CPE: variants seen among roughly 807,000 people sequenced by gnomAD.
CPE encodes the protein carboxypeptidase E.
Under a neutral mutation model 53.5 loss-of-function variants are expected in CPE, and 17 were observed. That is an observed-to-expected ratio of 0.32 (90% CI 0.22 to 0.48). The LOEUF is 0.48. Ranked by LOEUF, CPE falls within the 20% of genes least tolerant of loss-of-function variation. CPE has a pLI of 0.99. For synonymous variants in CPE, 226 were observed against 228.8 expected, an observed-to-expected ratio of 0.99 and a Z score of 0.11; for missense variants, 524 against 614.7, an observed-to-expected ratio of 0.85 and a Z score of 1.56.
At chr4:165,469,853 A>G (rs986067117) in intron 3 of CPE, among the ~76,000 whole-genome samples, 2 of 152,236 alleles carry the variant, frequency 1.3e-5, no homozygotes, top group Non-Finnish European at 2.9e-5. Context: ...CACTGCAAGT[A>G]AGCAGACAGG....
chr4:165,425,137 C>A (rs1731296797), intron 1 of CPE, among the ~76,000 whole-genome samples: 1 of 152,102 alleles, frequency 6.6e-6, no homozygotes, highest in Admixed American at 6.5e-5. Flanking sequence ...CTTGACCTCC[C>A]AAAGTGCTGA....
chr4:165,384,949 T>A (rs1730565560), intron 1 of CPE, among the ~76,000 whole-genome samples: 2 of 152,212 alleles, frequency 1.3e-5, no homozygotes, highest in South Asian at 4.1e-4. Context: ...ATAATTTTGT[T>A]TGTTTGCTTT....
At chr4:165,484,310 C>A in intron 4 of CPE, 112 bp from the exon 5 acceptor site, 2 of 986,394 alleles carry the variant, frequency 2.0e-6, no homozygotes, top group Non-Finnish European at 2.9e-6. Flanking sequence ...AGTTATGTAG[C>A]TAAAAAAATA....
At chr4:165,436,055 C>G (rs957925666) in intron 1 of CPE, among the ~76,000 whole-genome samples, 1 of 152,090 alleles carries the variant, frequency 6.6e-6, no homozygotes. Flanking sequence ...TTCCCAAACT[C>G]AAATATTTAG....
chr4:165,419,800 G>A (rs1187134465), intron 1 of CPE, among the ~76,000 whole-genome samples: 2 of 152,124 alleles, frequency 1.3e-5, no homozygotes, highest in Non-Finnish European at 2.9e-5. Context: ...TCTCCAGTTG[G>A]GAACTAATAC....
intron 1 of CPE, among the ~76,000 whole-genome samples, chr4:165,443,564 A>G (rs1731652235): frequency 1.3e-5 from 2 of 152,138 alleles, no homozygotes; most frequent in African/African-American, 4.8e-5. Flanking sequence ...TCCTCACTGT[A>G]TCCTCACATG....
At chr4:165,471,583 A>G (rs1455472570) in intron 3 of CPE, among the ~76,000 whole-genome samples, 1 of 152,198 alleles carries the variant, frequency 6.6e-6, no homozygotes, top group East Asian at 1.9e-4. Flanking sequence ...GCTTTGATGA[A>G]ACTTCATTCC....
At chr4:165,406,332 G>A (rs1489713140) in intron 1 of CPE, 4 of 547,002 alleles carry the variant, frequency 7.3e-6, no homozygotes, top group South Asian at 4.8e-5. Context: ...GCTGCCAATC[G>A]CCCGGTAGAC....
intron 1 of CPE, among the ~76,000 whole-genome samples, chr4:165,448,300 G>A (rs565107292): frequency 1.3e-5 from 2 of 152,246 alleles, no homozygotes; most frequent in Non-Finnish European, 2.9e-5. Context: ...CTTATTGACC[G>A]TTACGATGGA....
chr4:165,399,882 G>C (rs1384649855), intron 1 of CPE, among the ~76,000 whole-genome samples: 3 of 151,968 alleles, frequency 2.0e-5, no homozygotes, highest in African/African-American at 7.3e-5. Flanking sequence ...AGAATTCTAG[G>C]AGAAACAGAA....
In CPE at chr4:165,464,261, A is replaced by AT. The variant is rs901051371; in HGVS notation, c.308-120dup. ...AGGGGTATTTTAATGTCTACGGTAG[A>AT]TTTTTTTTTAAGGCATCGCTGCTGG... On this transcript the variant is annotated intron_variant, in intron 1 of 8. Transcript: ENST00000402744. The AT allele has an allele frequency of 1.8e-3, 1,290 of 701,964 alleles. 1 individual carries two copies. The highest frequency in any genetic ancestry group is 2.3e-3 in the Non-Finnish European group (1,036 of 445,968). The allele number at this position is 701,964 out of a possible 1,614,324, so 43.5% of individuals were successfully genotyped here. A position where few individuals can be genotyped will look rare whatever the true frequency, so the allele number is the denominator to read the frequency against.
At chr4:165,416,476 A>C (rs1731125069) in intron 1 of CPE, among the ~76,000 whole-genome samples, 1 of 152,082 alleles carries the variant, frequency 6.6e-6, no homozygotes, top group Non-Finnish European at 1.5e-5. Flanking sequence ...AGGGTGCTGG[A>C]GGCTTTAGGG....
rs551572133 is a variant in CPE, at chr4:165,444,966, A to T, written c.308-19424A>T. On this transcript the variant is annotated intron_variant, in intron 1 of 8. Transcript: ENST00000402744. The stretch of plus-strand genomic sequence containing the variant: ...CTTTCTTCTTATTTTATTTTTTTAA[A>T]TTTTTTTTGAGATGGAGTCTTGCTC... 4.7e-5 allele frequency among the ~76,000 whole-genome samples: 7 copies of T among 147,952 alleles called. No individual in the cohort carries two copies. The South Asian group carries it at 6.4e-4, about 14-fold the overall frequency.
chr4:165,425,413 G>A lies in CPE; in HGVS notation c.308-38977G>A, dbSNP rs113744055. On this transcript the variant is annotated intron_variant, in intron 1 of 8. Transcript: ENST00000402744. ...ATTTCTTGAGTCTAATGAATTTATA[G>A]AACTTTGCTCAAGCAATATTTTGGA... is the stretch of plus-strand genomic sequence containing the variant. Among the ~76,000 whole-genome samples the A allele has an allele frequency of 7.2e-3, 1,096 of 152,014 alleles. 19 individuals carry two copies. Among genetic ancestry groups the A allele is most frequent in the African/African-American group, 0.026 (1,061 of 41,464 alleles).
chr4:165,403,360 TG>T (rs1227788777), intron 1 of CPE, among the ~76,000 whole-genome samples: 2 of 152,162 alleles, frequency 1.3e-5, no homozygotes, highest in Non-Finnish European at 2.9e-5. Context: ...ATGAAACACA[TG>T]TTCCAGAAAA....
intron 3 of CPE, among the ~76,000 whole-genome samples, chr4:165,479,552 A>G (rs1732365170): frequency 6.6e-6 from 1 of 152,218 alleles, no homozygotes; most frequent in Admixed American, 6.5e-5. Flanking sequence ...AAGCAAAGAG[A>G]CCATAAAGAA....
At chr4:165,425,177 G>A (rs944580157) in intron 1 of CPE, among the ~76,000 whole-genome samples, 6 of 151,966 alleles carry the variant, frequency 3.9e-5, no homozygotes, top group African/African-American at 9.6e-5. Flanking sequence ...TGTGCCAGGC[G>A]GAAACTTCTT....
chr4:165,424,682 C>T (rs1050783679), intron 1 of CPE, among the ~76,000 whole-genome samples: 3 of 151,708 alleles, frequency 2.0e-5, no homozygotes, highest in South Asian at 4.2e-4. Context: ...TACAGGCGCC[C>T]GCCACCACGC....
At chr4:165,450,534 G>T (rs1165526523) in intron 1 of CPE, among the ~76,000 whole-genome samples, 4 of 152,166 alleles carry the variant, frequency 2.6e-5, no homozygotes. Context: ...TAAGATCCAT[G>T]ATTACTCATA....
Sources: gnomAD v4.1 joint callset for allele counts (sites outside exome capture counted in the v4.1 genomes callset) on GRCh38, gnomAD v4.1.1 for gene constraint, MANE v1.5 for transcripts, NCBI Gene and HGNC (gene_info 2026-07-23, HGNC 2026-07-21) for gene names.